The following OR8G1 variants were observed in gnomAD, a reference collection of about 807,000 sequenced individuals.
OR8G1 encodes the protein olfactory receptor family 8 subfamily G member 1, also known as olfactory receptor 8G1.
For missense variants in OR8G1, 372 were observed against 356.2 expected, an observed-to-expected ratio of 1.04 and a Z score of -0.36; for synonymous variants, 129 against 133.3, an observed-to-expected ratio of 0.97 and a Z score of 0.22.
chr11:124,246,719 A>G (rs1591391639), intron 1 of OR8G1, among the ~76,000 whole-genome samples: 2 of 151,906 alleles, frequency 1.3e-5, no homozygotes, highest in East Asian at 3.9e-4. Flanking sequence ...GACAGACAAC[A>G]TATTCTTTAA....
chr11:124,250,300 GTCCCCAGCCTGACCATCCTT>G lies in OR8G1; in HGVS notation c.627_646del (p.Pro210LeufsTer16), dbSNP rs1861855998. ...ATGTGTTGGTGCATTTAACATCCTT[GTCCCCAGCCTGACCATCCTT>G]TGCTCTTACATCTTTATTATTGCCA... is the stretch of plus-strand genomic sequence containing the variant. On this transcript the variant is annotated frameshift_variant, in exon 3 of 3. Coordinates refer to ENST00000641972, the MANE Select transcript of OR8G1 (RefSeq NM_001002905.2). LOFTEE classifies it low-confidence loss of function (END_TRUNC). The G allele has an allele frequency of 6.2e-7, 1 of 1,613,536 alleles. No homozygotes were observed. The highest frequency in any genetic ancestry group is 8.5e-7 in the Non-Finnish European group (1 of 1,179,804).
rs1397557831 is a variant in OR8G1 at position 124,250,098 on chromosome 11, C to T, written c.423C>T (p.Cys141=). The T allele has an allele frequency of 3.1e-6, 5 of 1,613,646 alleles. No individual in the cohort carries two copies. The highest frequency in any genetic ancestry group is 4.2e-6 in the Non-Finnish European group (5 of 1,179,832). The change falls in exon 3 of 3, where the codon TGC becomes TGT. Residue 141 remains cysteine (C), a synonymous_variant. Coordinates refer to ENST00000641972, the MANE Select transcript of OR8G1 (RefSeq NM_001002905.2). ...LYSVIISNKA[C]FSLILGVYII... Reference sequence around the variant, plus strand: ...GTGTCATCATATCCAATAAGGCTTGCTTTTCTCTGATTTTAGGGGTGTATA... The same window carrying T: ...GTGTCATCATATCCAATAAGGCTTGTTTTTCTCTGATTTTAGGGGTGTATA...
Position 124,253,499 on chromosome 11 carries a change from T to C in OR8G1, c.*2888T>C. On this transcript the variant is annotated 3_prime_UTR_variant, in exon 3 of 3. Transcript: ENST00000641972. Reference sequence around the variant, plus strand: ...TGGTCAAAAAATATTGTATATATTATTGTGTACAAGTTATTTTGAATGTGT... The same window carrying C: ...TGGTCAAAAAATATTGTATATATTACTGTGTACAAGTTATTTTGAATGTGT... 6.9e-6 allele frequency: 1 copy of C among 144,284 alleles called. No individual in the cohort carries two copies. The highest frequency in any genetic ancestry group is 7.3e-5 in the Admixed American group (1 of 13,714). The allele number at this position is 144,284 out of a possible 1,614,324, so 8.9% of individuals were successfully genotyped here.
chr11:124,245,108 G>C (rs1411617505), intron 1 of OR8G1, among the ~76,000 whole-genome samples: 3 of 151,086 alleles, frequency 2.0e-5, no homozygotes, highest in Admixed American at 1.3e-4. Flanking sequence ...TGGTGTGCTG[G>C]ACCCATTAAC....
Position 124,251,744 on chromosome 11 carries a change from C to A in OR8G1, c.*1133C>A, listed in dbSNP as rs539196548. 8.2e-5 allele frequency: 14 copies of A among 169,806 alleles called. 1 individual carries two copies. The highest frequency in any genetic ancestry group is 1.3e-4 in the Non-Finnish European group (10 of 77,676). 10.5% of individuals were successfully genotyped at this position (169,806 alleles called of 1,614,324 possible). ...AGAGTTGGAACCTGAATAGCATGGTCTAAACTACCCTTAATTCTCTATGCC... is the reference window on the plus strand; with the variant it reads ...AGAGTTGGAACCTGAATAGCATGGTATAAACTACCCTTAATTCTCTATGCC... On this transcript the variant is annotated 3_prime_UTR_variant, in exon 3 of 3. Coordinates refer to ENST00000641972, the MANE Select transcript of OR8G1 (RefSeq NM_001002905.2).
At chr11:124,244,936 G>T (rs1439949186) in intron 1 of OR8G1, among the ~76,000 whole-genome samples, 1 of 151,818 alleles carries the variant, frequency 6.6e-6, no homozygotes, top group Non-Finnish European at 1.5e-5. Context: ...AAGTTTGAGA[G>T]AATTAATATC....
At chr11:124,249,055 A>C (rs1565316208) in intron 2 of OR8G1, among the ~76,000 whole-genome samples, 1 of 152,132 alleles carries the variant, frequency 6.6e-6, no homozygotes, top group Non-Finnish European at 1.5e-5. Context: ...GCTTCCCTCA[A>C]ATAATGGCAG....
chr11:124,245,163 C>A (rs12785782), intron 1 of OR8G1, among the ~76,000 whole-genome samples: 2 of 129,424 alleles, frequency 1.5e-5, no homozygotes, highest in East Asian at 2.7e-4. Flanking sequence ...ATCCCTCCCC[C>A]CTCCCCCCAC....
Position 124,250,036 on chromosome 11 carries a change from G to A in OR8G1, c.361G>A (p.Asp121Asn). Residue 121 changes from aspartate (D) to asparagine (N), a missense_variant, in exon 3 of 3, where the codon GAC becomes AAC. Physicochemically the swap from Asp to Asn is conservative, Grantham distance 23. Coordinates refer to ENST00000641972, the MANE Select transcript of OR8G1 (RefSeq NM_001002905.2). ...ECHMLAAMAY[D>N]RYMAICSPLL... is the part of the protein sequence containing the mutation. ...TCACATGTTGGCTGCAATGGCGTAT[G>A]ACCGTTACATGGCCATCTGTAGCCC... 2 of 1,613,824 alleles carry A rather than the reference G, an allele frequency of 1.2e-6. No individual in the cohort carries two copies. The highest frequency in any genetic ancestry group is 1.7e-6 in the Non-Finnish European group (2 of 1,179,850).
Position 124,249,762 on chromosome 11 carries a change from C to T in OR8G1, c.87C>T (p.Leu29=). 3.7e-6 allele frequency: 6 copies of T among 1,613,852 alleles called. No individual in the cohort carries two copies. The highest frequency in any genetic ancestry group is 5.1e-6 in the Non-Finnish European group (6 of 1,179,868). The change falls in exon 3 of 3, where the codon CTC becomes CTT. Residue 29 remains leucine, a synonymous_variant. Transcript: ENST00000641972. ...EQPELQLPLF[L]LFLGIYVVTV... ...CAGAGCTCCAGCTGCCCCTCTTCCT[C>T]CTGTTCTTAGGAATCTATGTGGTCA...
chr11:124,249,760 C>G lies in OR8G1; in HGVS notation c.85C>G (p.Leu29Val). Residue 29 changes from leucine to valine, a missense_variant, in exon 3 of 3, where the codon CTC (leucine) becomes GTC (valine). By Grantham distance (32) the Leu-to-Val change is conservative (BLOSUM62 1). Transcript: ENST00000641972. Reference sequence around the variant, plus strand: ...GCCAGAGCTCCAGCTGCCCCTCTTCCTCCTGTTCTTAGGAATCTATGTGGT... The same window carrying G: ...GCCAGAGCTCCAGCTGCCCCTCTTCGTCCTGTTCTTAGGAATCTATGTGGT... ...EQPELQLPLF[L>V]LFLGIYVVTV... The G allele has an allele frequency of 1.2e-6, 2 of 1,613,860 alleles. No individual in the cohort carries two copies. Among genetic ancestry groups the G allele is most frequent in the Non-Finnish European group, 8.5e-7 (1 of 1,179,854 alleles).
intron 1 of OR8G1, among the ~76,000 whole-genome samples, chr11:124,245,074 T>G (rs906620979): frequency 6.6e-6 from 1 of 151,874 alleles, no homozygotes; most frequent in African/African-American, 2.4e-5. Flanking sequence ...GCAGGTTAGT[T>G]ACATATGTAT....
Position 124,250,024 on chromosome 11 carries a change from G to A in OR8G1, c.349G>A (p.Ala117Thr), listed in dbSNP as rs768150270. The change falls in exon 3 of 3, where the codon GCA (alanine) becomes ACA (threonine). Residue 117 changes from alanine (A) to threonine (T), a missense_variant. Coordinates refer to ENST00000641972, the MANE Select transcript of OR8G1 (RefSeq NM_001002905.2). ...FAIAECHMLA[A>T]MAYDRYMAIC... ...TATTGCAGAGTGTCACATGTTGGCT[G>A]CAATGGCGTATGACCGTTACATGGC... is the stretch of plus-strand genomic sequence containing the variant. The A allele has an allele frequency of 3.7e-6, 6 of 1,613,742 alleles. No individual in the cohort carries two copies. The highest frequency in any genetic ancestry group is 5.1e-6 in the Non-Finnish European group (6 of 1,179,850).
chr11:124,246,939 A>C (rs1861817229), intron 1 of OR8G1, among the ~76,000 whole-genome samples: 2 of 151,244 alleles, frequency 1.3e-5, no homozygotes, highest in Admixed American at 1.3e-4. Context: ...ACGATGAAAA[A>C]ACTGAAACAA....
chr11:124,242,814 G>A (rs2512273), intron 1 of OR8G1, among the ~76,000 whole-genome samples: 77,698 of 151,802 alleles, frequency 0.51, 20,514 homozygotes, highest in South Asian at 0.7. Context: ...TGGAAGTTAA[G>A]TATTTTTCTC....
In OR8G1 at chr11:124,249,868, A is replaced by T. The variant is rs1289795420; in HGVS notation, c.193A>T (p.Ser65Cys). The change falls in exon 3 of 3, where the codon AGT (serine) becomes TGT (cysteine). Residue 65 changes from serine (S) to cysteine (C), a missense_variant. Coordinates refer to ENST00000641972, the MANE Select transcript of OR8G1 (RefSeq NM_001002905.2). ...LHTPMYYFLS[S>C]LSFIDFCHST... ...CACCCCTATGTACTATTTCCTCAGC[A>T]GTCTGTCCTTCATTGACTTCTGCCA... 6.2e-7 allele frequency: 1 copy of T among 1,613,608 alleles called. No individual in the cohort carries two copies. Among genetic ancestry groups the T allele is most frequent in the South Asian group, 1.1e-5 (1 of 91,078 alleles).
At position 124,250,869 on chromosome 11, in the gene OR8G1, G is replaced by A; in HGVS notation, c.*258G>A. ...ATAGACTCATTAATGCCAGCCCCAT[G>A]TTCTTACCTCTTTTCTTTTACACAA... is the stretch of plus-strand genomic sequence containing the variant. On this transcript the variant is annotated 3_prime_UTR_variant, in exon 3 of 3. Transcript: ENST00000641972. The A allele has an allele frequency of 5.9e-6, 1 of 170,372 alleles. No homozygotes were observed. The highest frequency in any genetic ancestry group is 1.0e-5 in the Non-Finnish European group (1 of 95,286). 10.6% of individuals were successfully genotyped at this position (170,372 alleles called of 1,614,324 possible).
At position 124,249,785 on chromosome 11, in the gene OR8G1, T is replaced by A. The variant is rs1386375162; in HGVS notation, c.110T>A (p.Val37Asp). 1 of 1,613,832 alleles carries A rather than the reference T, an allele frequency of 6.2e-7. No individual in the cohort carries two copies. The highest frequency in any genetic ancestry group is 1.3e-5 in the African/African-American group (1 of 74,908). The change falls in exon 3 of 3, where the codon GTC (valine) becomes GAC (aspartate). Residue 37 changes from valine to aspartate, a missense_variant. Val to Asp is a radical substitution (Grantham distance 152, BLOSUM62 -3). Transcript: ENST00000641972. ...CTCCTGTTCTTAGGAATCTATGTGG[T>A]CACAGTGGTGGGCAACCTGGGCATG... ...LFLLFLGIYV[V>D]TVVGNLGMTT...
intron 1 of OR8G1, among the ~76,000 whole-genome samples, chr11:124,247,430 A>G (rs1861822549): frequency 6.6e-6 from 1 of 151,918 alleles, no homozygotes; most frequent in Non-Finnish European, 1.5e-5. Flanking sequence ...GTGGGCAAGC[A>G]TTTTCAAATT....
Sources: allele counts gnomAD v4.1 joint callset (sites outside exome capture counted in the v4.1 genomes callset), GRCh38; gene constraint gnomAD v4.1.1; transcripts MANE v1.5; gene names NCBI Gene and HGNC (gene_info 2026-07-23, HGNC 2026-07-21).